ITSN1: variants seen among roughly 807,000 people sequenced by gnomAD.
ITSN1 encodes the protein intersectin 1.
Under a neutral mutation model 239.8 loss-of-function variants are expected in ITSN1, and 58 were observed. That is an observed-to-expected ratio of 0.24 (90% confidence interval 0.20 to 0.30). The LOEUF (loss-of-function observed/expected upper bound fraction) is 0.30. Among genes scored for constraint, ITSN1 ranks in the 10% least tolerant of loss-of-function variants. The pLI, the probability that ITSN1 is intolerant of heterozygous loss-of-function variation, is 1.00. For synonymous variants in ITSN1, 780 were observed against 770.8 expected, an observed-to-expected ratio of 1.01 and a Z score of -0.20; for missense variants, 1,558 against 2,103.3, an observed-to-expected ratio of 0.74 and a Z score of 5.07.
At chr21:33,835,807 T>G (rs1569280448) in intron 28 of ITSN1, among the ~76,000 whole-genome samples, 2 of 152,176 alleles carry the variant, frequency 1.3e-5, no homozygotes, top group Non-Finnish European at 2.9e-5. Context: ...GGTGCATGCC[T>G]GTAATCCCAG....
At chr21:33,795,950 CTT>C (rs5843623) in intron 17 of ITSN1, among the ~76,000 whole-genome samples, 1 of 139,874 alleles carries the variant, frequency 7.1e-6, no homozygotes, top group Non-Finnish European at 1.5e-5. Flanking sequence ...TAAAGTAATT[CTT>C]TTTTTTTTTT....
intron 1 of ITSN1, among the ~76,000 whole-genome samples, chr21:33,709,264 G>A (rs936891648): frequency 6.6e-6 from 1 of 152,096 alleles, no homozygotes; most frequent in Non-Finnish European, 1.5e-5. Context: ...TAGTATCTTA[G>A]TACCATTTAT....
Position 33,655,413 on chromosome 21 carries a change from T to A in ITSN1, c.-33+12700T>A, listed in dbSNP as rs1262934323. 5.9e-5 allele frequency among the ~76,000 whole-genome samples: 9 copies of A among 152,120 alleles called. 1 individual carries two copies. Among genetic ancestry groups the A allele is most frequent in the South Asian group, 2.1e-4 (1 of 4,812 alleles). ...GAATTCTGTTCAAGTGTGTAGCCAC[T>A]GAAACAAGATTTTTTTTTTGTTTGA... On this transcript the variant is annotated intron_variant, in intron 1 of 39. Coordinates refer to ENST00000381318, the MANE Select transcript of ITSN1 (RefSeq NM_003024.3).
chr21:33,812,064 T>G (rs2072953794), intron 21 of ITSN1, among the ~76,000 whole-genome samples: 1 of 152,112 alleles, frequency 6.6e-6, no homozygotes, highest in Non-Finnish European at 1.5e-5. Context: ...GGGAAGGATG[T>G]AAGGAATAGC....
At chr21:33,876,435 G>A (rs1983929404) in intron 34 of ITSN1, among the ~76,000 whole-genome samples, 1 of 151,916 alleles carries the variant, frequency 6.6e-6, no homozygotes. Context: ...CACAATCCCA[G>A]TTCAATGCAG....
intron 1 of ITSN1, among the ~76,000 whole-genome samples, chr21:33,661,743 T>A (rs1218017441): frequency 2.0e-5 from 3 of 152,100 alleles, no homozygotes; most frequent in Admixed American, 6.5e-5. Flanking sequence ...TGGTAGTGAG[T>A]GAGTCTTAGG....
chr21:33,706,961 G>A (rs930786617), intron 1 of ITSN1, among the ~76,000 whole-genome samples: 4 of 152,112 alleles, frequency 2.6e-5, no homozygotes, highest in African/African-American at 9.7e-5. Context: ...GACCTCAAGT[G>A]ATCCACCCGC....
At chr21:33,826,718 G>A in intron 25 of ITSN1, 100 bp from the exon 26 acceptor site, 2 of 997,738 alleles carry the variant, frequency 2.0e-6, no homozygotes, top group South Asian at 1.3e-5. Flanking sequence ...TGAAAAGTGG[G>A]GCTTTGGGGC....
chr21:33,702,239 C>T (rs1453148685), intron 1 of ITSN1, among the ~76,000 whole-genome samples: 2 of 151,742 alleles, frequency 1.3e-5, no homozygotes, highest in Admixed American at 6.6e-5. Flanking sequence ...CACTCAGCCT[C>T]CTAAGTAGCT....
intron 5 of ITSN1, among the ~76,000 whole-genome samples, chr21:33,745,341 G>A (rs1486335274): frequency 6.6e-6 from 1 of 152,152 alleles, no homozygotes; most frequent in Non-Finnish European, 1.5e-5. Flanking sequence ...TGAAAAGGAT[G>A]GAGAGGGGAC....
intron 1 of ITSN1, among the ~76,000 whole-genome samples, chr21:33,653,440 C>G (rs115102547): frequency 6.6e-6 from 1 of 152,172 alleles, no homozygotes. Context: ...TAAAAATTCT[C>G]GAGTTTTTCA....
chr21:33,710,154 C>G (rs1348847312), intron 1 of ITSN1, among the ~76,000 whole-genome samples: 1 of 150,992 alleles, frequency 6.6e-6, no homozygotes, highest in Non-Finnish European at 1.5e-5. Context: ...TCTCGGCTCA[C>G]TGCAAGCTCT....
Position 33,794,676 on chromosome 21 carries a change from T to G in ITSN1, c.1952+208T>G, listed in dbSNP as rs540672516. On this transcript the variant is annotated intron_variant, in intron 17 of 39. Coordinates refer to ENST00000381318, the MANE Select transcript of ITSN1 (RefSeq NM_003024.3). ...GAAGTTTTTGGTTGGTTCCCAGAGC[T>G]CTCTCAAGCTACTACTATGTAGATA... Among the ~76,000 whole-genome samples the G allele has an allele frequency of 1.8e-4, 27 of 152,334 alleles. 1 individual carries two copies. The South Asian group carries it at 5.2e-3, about 29-fold the overall frequency.
chr21:33,873,392 G>T, intron 33 of ITSN1, among the ~76,000 whole-genome samples: 1 of 152,352 alleles, frequency 6.6e-6, no homozygotes, highest in South Asian at 2.1e-4. Flanking sequence ...AGCACAGGGT[G>T]ATAATTGTTT....
chr21:33,886,390 C>T lies in ITSN1; in HGVS notation c.4947C>T (p.Phe1649=), dbSNP rs1244626512. The T allele has an allele frequency of 3.7e-6, 6 of 1,613,566 alleles. No homozygotes were observed. The African/African-American group carries it at 8.0e-5, about 22-fold the overall frequency. The part of the protein sequence containing the change: ...LNPKWNSNCQ[F]FIRDLEQEVL... ...CCAAGTGGAATTCCAACTGCCAGTT[C>T]TTCATCCGAGACCTGGAGCAGGAAG... The change falls in exon 39 of 40, where the codon TTC becomes TTT. Residue 1649 remains phenylalanine, a synonymous_variant. Coordinates refer to ENST00000381318, the MANE Select transcript of ITSN1 (RefSeq NM_003024.3).
intron 1 of ITSN1, among the ~76,000 whole-genome samples, chr21:33,718,076 G>A (rs989352217): frequency 1.3e-5 from 2 of 152,186 alleles, no homozygotes; most frequent in Non-Finnish European, 2.9e-5. Context: ...CCAAACGAAT[G>A]ATATCGTGCT....
intron 22 of ITSN1, chr21:33,818,050 T>G: frequency 1.7e-6 from 1 of 576,708 alleles, no homozygotes; most frequent in South Asian, 2.3e-5. Flanking sequence ...AATGACTTTG[T>G]GAAGAGGCTG....
At chr21:33,805,643 G>T (rs2148127070) in intron 20 of ITSN1, among the ~76,000 whole-genome samples, 1 of 152,156 alleles carries the variant, frequency 6.6e-6, no homozygotes, top group African/African-American at 2.4e-5. Context: ...CAGCCTCCAG[G>T]TTGGAGCTTT....
At chr21:33,707,392 C>G (rs2092284923) in intron 1 of ITSN1, among the ~76,000 whole-genome samples, 1 of 152,162 alleles carries the variant, frequency 6.6e-6, no homozygotes, top group African/African-American at 2.4e-5. Flanking sequence ...TCCCAAAGCA[C>G]TTTACAGATG....
Sources: allele counts gnomAD v4.1 joint callset (sites outside exome capture counted in the v4.1 genomes callset), GRCh38; gene constraint gnomAD v4.1.1; transcripts MANE v1.5; gene names NCBI Gene and HGNC (gene_info 2026-07-23, HGNC 2026-07-21).